RBMS3: variants seen among roughly 807,000 people sequenced by gnomAD.
RBMS3 encodes RNA-binding motif, single-stranded-interacting protein 3.
In RBMS3, 27 loss-of-function variants were observed where a neutral mutation model predicts 66.8. That is an observed-to-expected ratio of 0.40 (90% CI 0.30 to 0.56). The LOEUF is 0.56. RBMS3 is among the 20% of genes least tolerant of loss of function. The pLI is 0.40. For synonymous variants in RBMS3, 188 were observed against 183.0 expected (o/e 1.03, Z -0.22); for missense variants, 513 against 549.5 (o/e 0.93, Z 0.66).
At chr3:29,377,708 A>G (rs1021319207) in intron 1 of RBMS3, among the ~76,000 whole-genome samples, 2 of 152,202 alleles carry the variant, frequency 1.3e-5, no homozygotes, top group Non-Finnish European at 2.9e-5. Context: ...TTATCAGGGC[A>G]GTCATCCCTT....
chr3:29,614,311 G>A (rs1237503226), intron 4 of RBMS3: 1 of 152,104 alleles, frequency 6.6e-6, no homozygotes, highest in African/African-American at 2.4e-5. Flanking sequence ...AAAGGCTGAA[G>A]GAGGGTGGAC....
intron 4 of RBMS3, among the ~76,000 whole-genome samples, chr3:29,647,901 G>A (rs1359339934): frequency 6.6e-6 from 1 of 152,138 alleles, no homozygotes; most frequent in Non-Finnish European, 1.5e-5. Flanking sequence ...AATTGCATAA[G>A]AATGGTTAAG....
intron 10 of RBMS3, among the ~76,000 whole-genome samples, chr3:29,923,848 T>G (rs1439821638): frequency 6.6e-6 from 1 of 152,182 alleles, no homozygotes; most frequent in Non-Finnish European, 1.5e-5. Context: ...TACCAATTAG[T>G]AGACATAAAG....
rs191265743 is a variant in RBMS3, at chr3:29,784,469, A to T, written c.637+21480A>T. Among the ~76,000 whole-genome samples, 365 of 152,206 alleles carry T rather than the reference A, an allele frequency of 2.4e-3. 1 individual carries two copies. Among genetic ancestry groups the T allele is most frequent in the African/African-American group, 8.5e-3 (355 of 41,560 alleles). ...AACAATGAAATCAAGAGGAAAATTTAAAAATTCTTTGAACTGAACAATAAT... is the reference window on the plus strand; with the variant it reads ...AACAATGAAATCAAGAGGAAAATTTTAAAATTCTTTGAACTGAACAATAAT... On this transcript the variant is annotated intron_variant, in intron 6 of 14. Transcript: ENST00000383767.
At chr3:29,415,763 C>T (rs1231937534) in intron 1 of RBMS3, among the ~76,000 whole-genome samples, 5 of 146,944 alleles carry the variant, frequency 3.4e-5, no homozygotes, top group Non-Finnish European at 1.5e-5. Context: ...AAGACTCAGT[C>T]ATGACAATGA....
rs1559886331 is a variant in RBMS3 at position 30,007,577 on chromosome 3, G to C, written c.*3715G>C. 1 of 151,998 alleles carries C rather than the reference G, an allele frequency of 6.6e-6. No homozygotes were observed. Among genetic ancestry groups the C allele is most frequent in the Non-Finnish European group, 1.5e-5 (1 of 67,936 alleles). 9.4% of individuals were successfully genotyped at this position (151,998 alleles called of 1,614,324 possible). ...TTGTCAAGGGAGGCAAAGTGTTCAT[G>C]GTAACTTGGAGCTCCCCAATACATG... is the stretch of plus-strand genomic sequence containing the variant. On this transcript the variant is annotated 3_prime_UTR_variant, in exon 15 of 15. Coordinates refer to ENST00000383767, the MANE Select transcript of RBMS3 (RefSeq NM_001003793.3).
chr3:29,818,997 G>C (rs2057998514), intron 6 of RBMS3, among the ~76,000 whole-genome samples: 1 of 152,084 alleles, frequency 6.6e-6, no homozygotes, highest in South Asian at 2.1e-4. Flanking sequence ...TAGTTTTCTA[G>C]ACCCAGGAAA....
At chr3:29,367,113 A>T (rs1225756580) in intron 1 of RBMS3, among the ~76,000 whole-genome samples, 2 of 152,124 alleles carry the variant, frequency 1.3e-5, no homozygotes, top group African/African-American at 4.8e-5. Flanking sequence ...AATATACAGT[A>T]TTTATGGAGA....
chr3:29,748,141 T>TCAGAA (rs1261809286), intron 5 of RBMS3, among the ~76,000 whole-genome samples: 1 of 151,364 alleles, frequency 6.6e-6, no homozygotes, highest in East Asian at 1.9e-4. Flanking sequence ...AAAATACAAA[T>TCAGAA]CAGAAAGAAC....
chr3:29,383,691 C>A (rs111328744), intron 1 of RBMS3, among the ~76,000 whole-genome samples: 3,352 of 152,246 alleles, frequency 0.022, 124 homozygotes, highest in African/African-American at 0.076. Flanking sequence ...TGGCACCTCA[C>A]TTAGTACCTG....
chr3:29,947,016 TTAAGGAAGAATAAA>T (rs1488740516), intron 12 of RBMS3, among the ~76,000 whole-genome samples: 1 of 151,502 alleles, frequency 6.6e-6, no homozygotes, highest in African/African-American at 2.4e-5. Context: ...AACTGTGGGT[TTAAGGAAGAATAAA>T]GAAGGAAGAA....
intron 4 of RBMS3, among the ~76,000 whole-genome samples, chr3:29,650,227 G>A (rs1444255960): frequency 6.6e-6 from 1 of 151,466 alleles, no homozygotes; most frequent in African/African-American, 2.4e-5. Flanking sequence ...TTCTTTCTAT[G>A]AGATGCCTAG....
chr3:29,515,463 T>C (rs568438590), intron 3 of RBMS3, among the ~76,000 whole-genome samples: 3 of 152,274 alleles, frequency 2.0e-5, no homozygotes, highest in East Asian at 1.9e-4. Flanking sequence ...AGAAATAATA[T>C]GGCCAGAGTA....
chr3:29,536,776 G>A (rs1052831136), intron 3 of RBMS3, among the ~76,000 whole-genome samples: 1 of 152,176 alleles, frequency 6.6e-6, no homozygotes, highest in African/African-American at 2.4e-5. Context: ...GCAAGAAAAT[G>A]AATTGTCACA....
chr3:29,330,016 A>G (rs748328830), intron 1 of RBMS3, among the ~76,000 whole-genome samples: 8 of 151,874 alleles, frequency 5.3e-5, no homozygotes, highest in South Asian at 2.1e-4. Flanking sequence ...TTCCTGGGCA[A>G]CTATTCAAAT....
intron 3 of RBMS3, among the ~76,000 whole-genome samples, chr3:29,532,399 G>A (rs918171531): frequency 6.6e-6 from 1 of 151,106 alleles, no homozygotes; most frequent in Non-Finnish European, 1.5e-5. Context: ...ATTCTGCTTT[G>A]GGGGAAACTG....
chr3:29,379,597 AC>A (rs1225380713), intron 1 of RBMS3, among the ~76,000 whole-genome samples: 2 of 152,172 alleles, frequency 1.3e-5, no homozygotes, highest in African/African-American at 4.8e-5. Context: ...AGACTTACTC[AC>A]TATCATGAGA....
intron 7 of RBMS3, among the ~76,000 whole-genome samples, 179 bp from the exon 8 acceptor site, chr3:29,883,983 A>G (rs1336465239): frequency 6.6e-6 from 1 of 152,004 alleles, no homozygotes; most frequent in Non-Finnish European, 1.5e-5. Context: ...TCACTGGTAT[A>G]TTCTGGTTTG....
rs1056656779 is a variant in RBMS3 at position 29,944,288 on chromosome 3, G to A, written c.1098+34G>A. On this transcript the variant is annotated intron_variant, in intron 12 of 14. Coordinates refer to ENST00000383767, the MANE Select transcript of RBMS3 (RefSeq NM_001003793.3). ...ATTCTAATTCTTTTAAGACTGGATT[G>A]GAGGGGAGAGATGGAGGTTGCCTGG... The A allele has an allele frequency of 3.9e-6, 6 of 1,533,092 alleles. No individual in the cohort carries two copies. In the African/African-American group the frequency reaches 6.9e-5, roughly 18 times the overall value. 95.0% of individuals were successfully genotyped at this position (1,533,092 alleles called of 1,614,324 possible). A position where few individuals can be genotyped will look rare whatever the true frequency, so the allele number is the denominator to read the frequency against.
Sources: allele counts gnomAD v4.1 joint callset (sites outside exome capture counted in the v4.1 genomes callset), GRCh38; gene constraint gnomAD v4.1.1; transcripts MANE v1.5; gene names NCBI Gene and HGNC (gene_info 2026-07-23, HGNC 2026-07-21).